Variants in DLGAP1 observed in about 807,000 individuals in gnomAD.
The protein encoded by DLGAP1 is disks large-associated protein 1.
A neutral mutation model predicts 90.8 loss-of-function variants in DLGAP1; 11 were observed. That is an observed-to-expected ratio of 0.12 (90% CI 0.08 to 0.20). The LOEUF is 0.20. DLGAP1 is among the 10% of genes least tolerant of loss of function. The pLI is 1.00. For synonymous variants in DLGAP1, 558 were observed against 540.7 expected (o/e 1.03, Z -0.44); for missense variants, 1,050 against 1,333.8 (o/e 0.79, Z 3.31).
intron 1 of DLGAP1, chr18:4,281,013 T>C (rs2145429091): frequency 6.6e-6 from 1 of 152,340 alleles, no homozygotes; most frequent in Non-Finnish European, 1.5e-5. Flanking sequence ...ACTTGAGATA[T>C]CCTATGAGAA....
chr18:3,668,572 C>T (rs2059963886), intron 7 of DLGAP1, among the ~76,000 whole-genome samples: 1 of 152,088 alleles, frequency 6.6e-6, no homozygotes, highest in Non-Finnish European at 1.5e-5. Context: ...TTCTTCTGTG[C>T]CTTTGGCAAA....
intron 4 of DLGAP1, chr18:3,874,387 T>G (rs904763670): frequency 6.2e-6 from 9 of 1,460,274 alleles, no homozygotes; most frequent in Non-Finnish European, 8.1e-6. Flanking sequence ...CAAAATACAC[T>G]GTTTGAAGGG....
At chr18:3,720,375 T>C (rs1160506165) in intron 7 of DLGAP1, among the ~76,000 whole-genome samples, 3 of 152,242 alleles carry the variant, frequency 2.0e-5, no homozygotes. Context: ...GATAGTTACA[T>C]GATCATTGAT....
rs143541619 is a variant in DLGAP1, at chr18:4,176,724, AACT to A, written c.-266-25440_-266-25438del. ...TTATGTCAACTTGGTGAAGTCTAGAAACTACTTTTCCTGGAACCCTCTGCTTCT... is the reference window on the plus strand; with the variant it reads ...TTATGTCAACTTGGTGAAGTCTAGAAACTTTTCCTGGAACCCTCTGCTTCT... On this transcript the variant is annotated intron_variant, in intron 1 of 12. Coordinates refer to ENST00000315677, the MANE Select transcript of DLGAP1 (RefSeq NM_004746.4). Among the ~76,000 whole-genome samples the A allele has an allele frequency of 3.6e-3, 544 of 152,332 alleles. 8 individuals carry two copies. Among genetic ancestry groups the A allele is most frequent in the African/African-American group, 0.013 (522 of 41,582 alleles).
At position 3,600,885 on chromosome 18, in the gene DLGAP1, GAT is replaced by G. The variant is rs1491367999; in HGVS notation, c.1592-18639_1592-18638del. Reference sequence around the variant, plus strand: ...ATATAGATATATAGATATATAGATAGATATATAGATATATATAGATATATAGA... The same window carrying G: ...ATATAGATATATAGATATATAGATAGATATAGATATATATAGATATATAGA... On this transcript the variant is annotated intron_variant, in intron 7 of 12. Transcript: ENST00000315677. Among the ~76,000 whole-genome samples the G allele has an allele frequency of 1.4e-4, 2 of 13,884 alleles. 1 individual carries two copies. The highest frequency in any genetic ancestry group is 6.6e-4 in the African/African-American group (2 of 3,048). The allele number at this position is 13,884 out of a possible 152,430, so 9.1% of individuals were successfully genotyped here. A position where few individuals can be genotyped will look rare whatever the true frequency, so the allele number is the denominator to read the frequency against.
At chr18:3,860,022 C>T (rs751665803) in intron 4 of DLGAP1, among the ~76,000 whole-genome samples, 5 of 151,660 alleles carry the variant, frequency 3.3e-5, no homozygotes, top group Admixed American at 6.6e-5. Flanking sequence ...TGGCGTGAAC[C>T]TGGGAGGTGG....
intron 5 of DLGAP1, among the ~76,000 whole-genome samples, chr18:3,811,076 G>A (rs2066811339): frequency 6.6e-6 from 1 of 152,224 alleles, no homozygotes; most frequent in African/African-American, 2.4e-5. Flanking sequence ...AAAGTGCTGG[G>A]ATTACAGGTG....
intron 5 of DLGAP1, among the ~76,000 whole-genome samples, chr18:3,745,350 T>G (rs888660214): frequency 5.3e-5 from 8 of 152,366 alleles, no homozygotes; most frequent in African/African-American, 1.9e-4. Context: ...ATGTTATGTG[T>G]ATTATATTTC....
At chr18:3,548,447 C>T (rs991076773) in intron 9 of DLGAP1, among the ~76,000 whole-genome samples, 3 of 147,462 alleles carry the variant, frequency 2.0e-5, no homozygotes, top group Non-Finnish European at 4.5e-5. Context: ...AATAAAAAGG[C>T]ATCTATAAAA....
At chr18:3,639,975 C>A (rs959437276) in intron 7 of DLGAP1, among the ~76,000 whole-genome samples, 1 of 151,396 alleles carries the variant, frequency 6.6e-6, no homozygotes, top group Non-Finnish European at 1.5e-5. Context: ...AGGATGGTCT[C>A]GATCTCCTGA....
chr18:4,410,540 A>G (rs1416078573), intron 1 of DLGAP1, among the ~76,000 whole-genome samples: 1 of 152,178 alleles, frequency 6.6e-6, no homozygotes, highest in Admixed American at 6.5e-5. Context: ...AAAGTATAAA[A>G]CTATATATAA....
At chr18:3,816,101 G>A (rs1791831140) in intron 4 of DLGAP1, among the ~76,000 whole-genome samples, 1 of 152,078 alleles carries the variant, frequency 6.6e-6, no homozygotes, top group African/African-American at 2.4e-5. Flanking sequence ...AAAAAAAATT[G>A]CCTATAAGAT....
At chr18:4,308,031 C>T (rs1445198649) in intron 1 of DLGAP1, among the ~76,000 whole-genome samples, 1 of 152,048 alleles carries the variant, frequency 6.6e-6, no homozygotes, top group Non-Finnish European at 1.5e-5. Flanking sequence ...TTGCTTTATA[C>T]CTGTCCCTGT....
intron 3 of DLGAP1, among the ~76,000 whole-genome samples, chr18:3,901,914 C>A (rs1430851245): frequency 6.6e-6 from 1 of 152,138 alleles, no homozygotes; most frequent in East Asian, 1.9e-4. Context: ...CCTAAGGTGT[C>A]CGTGGTACTC....
chr18:3,614,038 C>T (rs181567058), intron 7 of DLGAP1, among the ~76,000 whole-genome samples: 6 of 152,238 alleles, frequency 3.9e-5, no homozygotes, highest in Admixed American at 1.3e-4. Context: ...TCCCCTGCCT[C>T]GGCCTCCCAG....
At chr18:4,410,331 A>C (rs1317979967) in intron 1 of DLGAP1, among the ~76,000 whole-genome samples, 1 of 152,220 alleles carries the variant, frequency 6.6e-6, no homozygotes, top group Admixed American at 6.5e-5. Context: ...GAAAAATTCA[A>C]TAAGTCTAGC....
At chr18:3,793,949 C>A (rs552105333) in intron 5 of DLGAP1, among the ~76,000 whole-genome samples, 1 of 152,312 alleles carries the variant, frequency 6.6e-6, no homozygotes, top group South Asian at 2.1e-4. Flanking sequence ...GTCTTCCCTA[C>A]TAGGATGCAA....
intron 7 of DLGAP1, among the ~76,000 whole-genome samples, chr18:3,625,671 A>G (rs774342079): frequency 3.9e-5 from 6 of 152,170 alleles, no homozygotes; most frequent in Admixed American, 6.6e-5. Flanking sequence ...GTGAGAGGCA[A>G]TTAGGCTTAT....
chr18:4,175,294 T>C (rs1293304583), intron 1 of DLGAP1, among the ~76,000 whole-genome samples: 3 of 152,178 alleles, frequency 2.0e-5, no homozygotes, highest in Admixed American at 6.5e-5. Context: ...TTTGTTTAGA[T>C]TCCCTGTAAA....
Sources: gnomAD v4.1 joint callset for allele counts (sites outside exome capture counted in the v4.1 genomes callset) on GRCh38, gnomAD v4.1.1 for gene constraint, MANE v1.5 for transcripts, NCBI Gene and HGNC (gene_info 2026-07-23, HGNC 2026-07-21) for gene names.